Variants in RBFOX1 observed in about 807,000 individuals in gnomAD.
RBFOX1 encodes RNA binding protein fox-1 homolog 1.
A neutral mutation model predicts 57.7 loss-of-function variants in RBFOX1; 8 were observed. The ratio of observed to expected loss-of-function variants is 0.14; its 90% CI spans 0.08 to 0.25. RBFOX1 has a LOEUF of 0.25. RBFOX1 is among the 10% of genes least tolerant of loss of function. The pLI is 1.00. For missense variants in RBFOX1, 611 were observed against 548.5 expected (o/e 1.11, Z -1.14); for synonymous variants, 326 against 222.4 (o/e 1.47, Z -4.15).
At chr16:6,665,886 C>T (rs1256734870) in intron 3 of RBFOX1, among the ~76,000 whole-genome samples, 1 of 152,050 alleles carries the variant, frequency 6.6e-6, no homozygotes, top group African/African-American at 2.4e-5. Flanking sequence ...GGTTTGACCA[C>T]GTCCCCACCC....
chr16:6,702,261 T>C (rs1457484783), intron 3 of RBFOX1, among the ~76,000 whole-genome samples: 1 of 151,918 alleles, frequency 6.6e-6, no homozygotes, highest in East Asian at 1.9e-4. Context: ...GGGACAAATA[T>C]CCAAATTATC....
intron 3 of RBFOX1, among the ~76,000 whole-genome samples, chr16:6,762,609 A>C (rs1212688326): frequency 1.3e-5 from 2 of 152,210 alleles, no homozygotes; most frequent in African/African-American, 2.4e-5. Context: ...ATATGAAAGG[A>C]ACAGCAAAAG....
At chr16:6,681,023 T>C (rs540094547) in intron 3 of RBFOX1, among the ~76,000 whole-genome samples, 1 of 152,310 alleles carries the variant, frequency 6.6e-6, no homozygotes, top group South Asian at 2.1e-4. Context: ...AGTAGAAATC[T>C]GTTTAGGCTG....
At chr16:6,740,636 C>G (rs529276590) in intron 3 of RBFOX1, among the ~76,000 whole-genome samples, 3 of 152,120 alleles carry the variant, frequency 2.0e-5, no homozygotes, top group African/African-American at 7.2e-5. Context: ...CAATTTTAAT[C>G]ACCCAGAAAA....
chr16:5,445,487 A>G (rs1474070131), intron 1 of RBFOX1, among the ~76,000 whole-genome samples: 2 of 152,206 alleles, frequency 1.3e-5, no homozygotes, highest in Admixed American at 6.5e-5. Context: ...TGTTGGATAA[A>G]CAAAAGAATT....
At position 5,778,784 on chromosome 16, in the gene RBFOX1, C is replaced by G. The variant is rs577257897; in HGVS notation, c.319-88519C>G. ...AGTTTGAGCTCTAACTCCCACCCCT[C>G]AGCCACTGTGCAAGCTCAGATAAAA... On this transcript the variant is annotated intron_variant, in intron 3 of 19. Transcript: ENST00000641259. Among the ~76,000 whole-genome samples the G allele has an allele frequency of 2.0e-5, 3 of 152,310 alleles. No homozygotes were observed. In the South Asian group the frequency reaches 6.2e-4, roughly 32 times the overall value.
intron 3 of RBFOX1, among the ~76,000 whole-genome samples, chr16:6,676,716 C>G (rs1316386832): frequency 6.8e-6 from 1 of 148,136 alleles, no homozygotes. Flanking sequence ...ACTCTTGTCC[C>G]CCAGGCTGGA....
At chr16:6,564,667 G>C (rs1359932962) in intron 2 of RBFOX1, among the ~76,000 whole-genome samples, 1 of 152,072 alleles carries the variant, frequency 6.6e-6, no homozygotes, top group East Asian at 1.9e-4. Context: ...AGAGCTGTTG[G>C]TCAAAACACA....
chr16:6,667,337 C>A (rs938338873), intron 3 of RBFOX1, among the ~76,000 whole-genome samples: 1 of 152,080 alleles, frequency 6.6e-6, no homozygotes, highest in Admixed American at 6.6e-5. Context: ...ACCCTTGAAG[C>A]TGGCTTTGGG....
intron 1 of RBFOX1, among the ~76,000 whole-genome samples, chr16:5,273,241 G>C (rs1376424595): frequency 6.7e-6 from 1 of 149,964 alleles, no homozygotes; most frequent in Admixed American, 6.6e-5. Context: ...TTTTTTTTTG[G>C]TGGTCGGTTT....
chr16:7,703,990 C>T (rs745770390), intron 14 of RBFOX1, among the ~76,000 whole-genome samples: 13 of 152,340 alleles, frequency 8.5e-5, no homozygotes, highest in Non-Finnish European at 1.5e-4. Context: ...ATCATAATCT[C>T]CTCTATCTGT....
intron 4 of RBFOX1, among the ~76,000 whole-genome samples, chr16:6,008,950 T>A (rs571617910): frequency 1.3e-5 from 2 of 152,298 alleles, no homozygotes; most frequent in African/African-American, 4.8e-5. Context: ...CGGATGGCTT[T>A]CTCATTGACA....
intron 3 of RBFOX1, among the ~76,000 whole-genome samples, chr16:6,954,745 C>A (rs1463763751): frequency 6.6e-6 from 1 of 152,010 alleles, no homozygotes; most frequent in Non-Finnish European, 1.5e-5. Flanking sequence ...AGAGAACATG[C>A]CCTCCAGAGG....
chr16:6,927,881 T>G (rs1487888739), intron 3 of RBFOX1, among the ~76,000 whole-genome samples: 1 of 152,212 alleles, frequency 6.6e-6, no homozygotes, highest in African/African-American at 2.4e-5. Flanking sequence ...GTACATATAC[T>G]AATAGCATAC....
chr16:5,744,162 C>G (rs532537272), intron 3 of RBFOX1, among the ~76,000 whole-genome samples: 3 of 151,986 alleles, frequency 2.0e-5, no homozygotes, highest in Non-Finnish European at 4.4e-5. Flanking sequence ...TGCTATGTTC[C>G]CCATCTGGAG....
chr16:5,889,020 T>C (rs549432481), intron 4 of RBFOX1, among the ~76,000 whole-genome samples: 1 of 152,162 alleles, frequency 6.6e-6, no homozygotes, highest in South Asian at 2.1e-4. Context: ...TTTGGCCAAA[T>C]AATATATTGA....
chr16:6,213,020 G>A (rs1327533547), intron 1 of RBFOX1, among the ~76,000 whole-genome samples: 1 of 152,148 alleles, frequency 6.6e-6, no homozygotes, highest in Admixed American at 6.5e-5. Flanking sequence ...GTCACCTGGA[G>A]ACATCCCTGC....
rs919138785 is a variant in RBFOX1, at chr16:7,179,441, C to G, written c.27+127343C>G. Among the ~76,000 whole-genome samples the G allele has an allele frequency of 2.6e-5, 4 of 152,158 alleles. No homozygotes were observed. In the South Asian group the frequency reaches 6.2e-4, roughly 24 times the overall value. ...GATGTGTCCAATCTCCACAATTTGT[C>G]TGGCCTCCTCTTGAACTGATTTACG... On this transcript the variant is annotated intron_variant, in intron 4 of 15. Coordinates refer to ENST00000550418, the MANE Select transcript of RBFOX1 (RefSeq NM_018723.4).
chr16:5,851,229 G>A (rs1462619344), intron 3 of RBFOX1, among the ~76,000 whole-genome samples: 1 of 152,186 alleles, frequency 6.6e-6, no homozygotes, highest in African/African-American at 2.4e-5. Context: ...CACAGAGCAG[G>A]AAGGATATCA....
Sources: gnomAD v4.1 joint callset for allele counts (sites outside exome capture counted in the v4.1 genomes callset) on GRCh38, gnomAD v4.1.1 for gene constraint, MANE v1.5 for transcripts, NCBI Gene and HGNC (gene_info 2026-07-23, HGNC 2026-07-21) for gene names.